The following COL14A1 variants were observed in gnomAD, a reference collection of about 807,000 sequenced individuals.
COL14A1 encodes the protein collagen type XIV alpha 1 chain.
A neutral mutation model predicts 230.3 loss-of-function variants in COL14A1; 136 were observed. That is an observed-to-expected ratio of 0.59 (90% CI 0.51 to 0.68). COL14A1 has a LOEUF of 0.68. COL14A1 is among the 30% of genes least tolerant of loss of function. COL14A1 has a pLI of 0.00. For missense variants in COL14A1, 1,976 were observed against 2,215.8 expected, an observed-to-expected ratio of 0.89 and a Z score of 2.17; for synonymous variants, 792 against 784.1, an observed-to-expected ratio of 1.01 and a Z score of -0.17.
intron 1 of COL14A1, among the ~76,000 whole-genome samples, chr8:120,125,613 C>A (rs1814303111): frequency 6.6e-6 from 1 of 152,074 alleles, no homozygotes; most frequent in Non-Finnish European, 1.5e-5. Flanking sequence ...CTCCGGGAAG[C>A]TTTTCCCAGT....
chr8:120,354,749 G>A (rs1410944441), intron 45 of COL14A1, among the ~76,000 whole-genome samples: 1 of 152,058 alleles, frequency 6.6e-6, no homozygotes, highest in Non-Finnish European at 1.5e-5. Flanking sequence ...GGCTAATGTT[G>A]TTCAAGTTTT....
chr8:120,191,969 A>G (rs1816842287), intron 5 of COL14A1, among the ~76,000 whole-genome samples: 1 of 151,872 alleles, frequency 6.6e-6, no homozygotes, highest in African/African-American at 2.4e-5. Context: ...TCCTGAATAC[A>G]GCACACTGAT....
intron 37 of COL14A1, among the ~76,000 whole-genome samples, chr8:120,312,636 C>T (rs1305643139): frequency 1.3e-5 from 2 of 152,062 alleles, no homozygotes; most frequent in African/African-American, 4.8e-5. Context: ...CCTTAATAAC[C>T]TCACCTATAA....
intron 1 of COL14A1, among the ~76,000 whole-genome samples, chr8:120,129,755 C>G (rs984749765): frequency 4.6e-5 from 7 of 152,192 alleles, no homozygotes; most frequent in Non-Finnish European, 7.4e-5. Context: ...CTGCCAATTT[C>G]AAGTGTCATT....
At chr8:120,151,730 A>G (rs575394552) in intron 2 of COL14A1, among the ~76,000 whole-genome samples, 4 of 152,014 alleles carry the variant, frequency 2.6e-5, no homozygotes, top group Non-Finnish European at 5.9e-5. Flanking sequence ...AGAACTAGTG[A>G]ATATGTTATA....
chr8:120,325,232 A>C (rs907167384), intron 40 of COL14A1, among the ~76,000 whole-genome samples: 6 of 152,158 alleles, frequency 3.9e-5, no homozygotes, highest in African/African-American at 1.4e-4. Context: ...AATCCTTTCA[A>C]GTTTTTATAG....
At chr8:120,130,975 T>C (rs1446526854) in intron 1 of COL14A1, among the ~76,000 whole-genome samples, 1 of 152,192 alleles carries the variant, frequency 6.6e-6, no homozygotes, top group African/African-American at 2.4e-5. Flanking sequence ...TGGTACTTGG[T>C]TTTCTGTTCC....
At chr8:120,268,507 G>A (rs972505668) in intron 25 of COL14A1, among the ~76,000 whole-genome samples, 1 of 151,532 alleles carries the variant, frequency 6.6e-6, no homozygotes, top group Admixed American at 6.6e-5. Flanking sequence ...AGGGTCTGTG[G>A]GGTTAAGGAT....
intron 23 of COL14A1, among the ~76,000 whole-genome samples, chr8:120,259,890 G>A (rs745544594): frequency 3.9e-5 from 6 of 152,064 alleles, no homozygotes; most frequent in Non-Finnish European, 5.9e-5. Flanking sequence ...GGGTCAAAAA[G>A]AAACAGTTAT....
At chr8:120,229,965 T>G (rs1276226697) in intron 18 of COL14A1, among the ~76,000 whole-genome samples, 1 of 152,128 alleles carries the variant, frequency 6.6e-6, no homozygotes, top group Non-Finnish European at 1.5e-5. Flanking sequence ...ACCACAGCCT[T>G]GACTTCCTGG....
At chr8:120,192,476 A>G (rs1313118004) in intron 5 of COL14A1, among the ~76,000 whole-genome samples, 2 of 152,034 alleles carry the variant, frequency 1.3e-5, no homozygotes, top group Non-Finnish European at 2.9e-5. Flanking sequence ...GCTGCCCTTA[A>G]CATTTTTTCC....
At chr8:120,258,860 C>A (rs1353422086) in intron 23 of COL14A1, among the ~76,000 whole-genome samples, 1 of 152,120 alleles carries the variant, frequency 6.6e-6, no homozygotes, top group African/African-American at 2.4e-5. Context: ...CTCTCTCCAG[C>A]TGTTTTTGAG....
intron 26 of COL14A1, among the ~76,000 whole-genome samples, chr8:120,274,562 A>G (rs934776581): frequency 6.6e-6 from 1 of 151,684 alleles, no homozygotes; most frequent in Non-Finnish European, 1.5e-5. Context: ...TGATATGATC[A>G]TATACCTAGA....
At chr8:120,304,402 AC>A (rs1381119885) in intron 36 of COL14A1, among the ~76,000 whole-genome samples, 2 of 151,924 alleles carry the variant, frequency 1.3e-5, no homozygotes, top group African/African-American at 4.8e-5. Context: ...TTCTCTCTTA[AC>A]ACTGCCTTAG....
intron 33 of COL14A1, 61 bp from the exon 34 acceptor site, chr8:120,289,547 A>C: frequency 3.7e-6 from 5 of 1,364,106 alleles, no homozygotes; most frequent in South Asian, 1.3e-5. Context: ...ATACAATTAT[A>C]CAAATTTGGT....
chr8:120,218,727 A>G (rs1445914198), intron 14 of COL14A1, among the ~76,000 whole-genome samples: 1 of 152,198 alleles, frequency 6.6e-6, no homozygotes, highest in Admixed American at 6.5e-5. Flanking sequence ...GTGAGTTTCA[A>G]TGACAAGGAT....
At chr8:120,259,545 C>A (rs1819262831) in intron 23 of COL14A1, among the ~76,000 whole-genome samples, 1 of 152,154 alleles carries the variant, frequency 6.6e-6, no homozygotes, top group African/African-American at 2.4e-5. Flanking sequence ...TGGATACACC[C>A]CCATTCATGG....
chr8:120,161,670 A>AT (rs1056050713), intron 3 of COL14A1, among the ~76,000 whole-genome samples: 121 of 148,662 alleles, frequency 8.1e-4, no homozygotes, highest in Middle Eastern at 3.5e-3. Flanking sequence ...TCCCCTTCAC[A>AT]TTTTTTTTTT....
chr8:120,182,433 C>T (rs1370103253), intron 5 of COL14A1, among the ~76,000 whole-genome samples: 3 of 152,064 alleles, frequency 2.0e-5, no homozygotes, highest in East Asian at 3.9e-4. Context: ...AGGATTGGTT[C>T]GTTATTAATG....
Sources: gnomAD v4.1 joint callset for allele counts (sites outside exome capture counted in the v4.1 genomes callset) on GRCh38, gnomAD v4.1.1 for gene constraint, MANE v1.5 for transcripts, NCBI Gene and HGNC (gene_info 2026-07-23, HGNC 2026-07-21) for gene names.